The following MACROD2 variants were observed in gnomAD, a reference collection of about 807,000 sequenced individuals.
The protein encoded by MACROD2 is mono-ADP ribosylhydrolase 2.
A neutral mutation model predicts 70.4 loss-of-function variants in MACROD2; 36 were observed. That is an observed-to-expected ratio of 0.51 (90% CI 0.39 to 0.68). MACROD2 has a LOEUF of 0.68. Ranked by LOEUF, MACROD2 falls within the 30% of genes least tolerant of loss-of-function variation. MACROD2 has a pLI of 0.00. For synonymous variants in MACROD2, 172 were observed against 178.8 expected, an observed-to-expected ratio of 0.96 and a Z score of 0.30; for missense variants, 496 against 538.4, an observed-to-expected ratio of 0.92 and a Z score of 0.78.
rs905550842 is a variant in MACROD2, at chr20:14,755,015, G to T, written c.418+70056G>T. Among the ~76,000 whole-genome samples the T allele has an allele frequency of 1.2e-4, 18 of 152,162 alleles. 1 individual carries two copies. Among genetic ancestry groups the T allele is most frequent in the African/African-American group, 4.3e-4 (18 of 41,480 alleles). ...GTCAGCTTTGTCCTGAGGGGATCTT[G>T]ATTCACTTATCAGCTGAAAACAGCT... On this transcript the variant is annotated intron_variant, in intron 5 of 17. Coordinates refer to ENST00000684519, the MANE Select transcript of MACROD2 (RefSeq NM_001351661.2).
intron 4 of MACROD2, among the ~76,000 whole-genome samples, chr20:14,653,965 C>T (rs910522143): frequency 1.3e-5 from 2 of 152,056 alleles, no homozygotes; most frequent in East Asian, 1.9e-4. Context: ...CTTTCCTGAC[C>T]GCATTTCTTT....
intron 3 of MACROD2, among the ~76,000 whole-genome samples, chr20:14,395,270 T>C (rs1450271719): frequency 6.6e-6 from 1 of 152,056 alleles, no homozygotes; most frequent in Non-Finnish European, 1.5e-5. Flanking sequence ...AATTATAAAT[T>C]TAATTTTTAT....
In MACROD2 at chr20:15,731,939, A is replaced by G. The variant is rs1470350467; in HGVS notation, c.646-130806A>G. On this transcript the variant is annotated intron_variant, in intron 8 of 17. Transcript: ENST00000684519. ...CCTGGCTATTTTTTGTATTTTTAGT[A>G]GAGACGGGGTTTCACCATGTTGGCC... is the stretch of plus-strand genomic sequence containing the variant. Among the ~76,000 whole-genome samples, 3 of 58,430 alleles carry G rather than the reference A, an allele frequency of 5.1e-5. 1 individual carries two copies. The East Asian group carries it at 8.3e-4, about 16-fold the overall frequency. 38.3% of individuals were successfully genotyped at this position (58,430 alleles called of 152,430 possible).
chr20:15,741,716 T>C (rs2051109130), intron 8 of MACROD2, among the ~76,000 whole-genome samples: 1 of 152,118 alleles, frequency 6.6e-6, no homozygotes, highest in Admixed American at 6.5e-5. Context: ...TCTCATAGCA[T>C]GTTGCACCCT....
intron 6 of MACROD2, among the ~76,000 whole-genome samples, chr20:15,273,274 C>A (rs932078480): frequency 3.3e-5 from 5 of 152,116 alleles, no homozygotes; most frequent in Non-Finnish European, 5.9e-5. Context: ...CATATTTTTC[C>A]TGTGCTGGAT....
At chr20:15,322,873 C>T (rs191649045) in intron 6 of MACROD2, among the ~76,000 whole-genome samples, 1 of 143,694 alleles carries the variant, frequency 7.0e-6, no homozygotes, top group East Asian at 2.0e-4. Context: ...TCCATGAATC[C>T]ATATTTGGAA....
At chr20:14,703,563 A>T (rs918964944) in intron 5 of MACROD2, among the ~76,000 whole-genome samples, 1 of 152,090 alleles carries the variant, frequency 6.6e-6, no homozygotes, top group Non-Finnish European at 1.5e-5. Context: ...ATAATACATT[A>T]ATAGAGTTGG....
At chr20:16,049,082 G>A (rs2067422671) in intron 17 of MACROD2, among the ~76,000 whole-genome samples, 1 of 152,156 alleles carries the variant, frequency 6.6e-6, no homozygotes, top group Admixed American at 6.5e-5. Context: ...GATTCCATTA[G>A]CAGGGAGTCC....
At chr20:15,658,954 A>G (rs1384789188) in intron 8 of MACROD2, among the ~76,000 whole-genome samples, 3 of 152,228 alleles carry the variant, frequency 2.0e-5, no homozygotes, top group African/African-American at 4.8e-5. Flanking sequence ...TCACTCAAGC[A>G]TGCTTCGTTT....
intron 10 of MACROD2, among the ~76,000 whole-genome samples, chr20:15,918,836 G>C (rs577385498): frequency 6.6e-6 from 1 of 152,130 alleles, no homozygotes; most frequent in African/African-American, 2.4e-5. Flanking sequence ...TCCTCATGGG[G>C]CTCCACCTGT....
intron 8 of MACROD2, among the ~76,000 whole-genome samples, chr20:15,727,476 A>T (rs1342805111): frequency 1.3e-5 from 2 of 152,146 alleles, no homozygotes; most frequent in African/African-American, 4.8e-5. Flanking sequence ...TCTGTGAAGA[A>T]TATCATTGGT....
intron 8 of MACROD2, among the ~76,000 whole-genome samples, chr20:15,500,584 T>C (rs1424607207): frequency 6.6e-6 from 1 of 152,206 alleles, no homozygotes; most frequent in Non-Finnish European, 1.5e-5. Context: ...ATTTTGTTTT[T>C]CTCCTCAGTT....
At chr20:14,373,364 T>G (rs2083343750) in intron 3 of MACROD2, among the ~76,000 whole-genome samples, 1 of 152,182 alleles carries the variant, frequency 6.6e-6, no homozygotes, top group Admixed American at 6.5e-5. Context: ...CAAGAGGTTA[T>G]TTAGACCAAA....
chr20:15,864,720 T>G (rs1213668119), intron 9 of MACROD2, among the ~76,000 whole-genome samples: 2 of 152,142 alleles, frequency 1.3e-5, no homozygotes, highest in African/African-American at 4.8e-5. Flanking sequence ...TAAAATGCAT[T>G]GCAGTACATG....
At chr20:15,417,613 A>AG (rs2046171990) in intron 6 of MACROD2, among the ~76,000 whole-genome samples, 1 of 134,918 alleles carries the variant, frequency 7.4e-6, no homozygotes, top group African/African-American at 2.7e-5. Flanking sequence ...AAAAAAAAAA[A>AG]AAAGAAAGAA....
At chr20:15,369,461 G>C (rs16995616) in intron 6 of MACROD2, among the ~76,000 whole-genome samples, 3 of 151,896 alleles carry the variant, frequency 2.0e-5, no homozygotes, top group Non-Finnish European at 2.9e-5. Flanking sequence ...TGTATCTTTT[G>C]CAAAAATAAG....
At position 15,566,320 on chromosome 20, in the gene MACROD2, C is replaced by G. The variant is rs537447972; in HGVS notation, c.645+66473C>G. On this transcript the variant is annotated intron_variant, in intron 8 of 17. Coordinates refer to ENST00000684519, the MANE Select transcript of MACROD2 (RefSeq NM_001351661.2). The stretch of plus-strand genomic sequence containing the variant: ...CCAACATGGCGAAACCCACCCCCCA[C>G]CGTCTCTACTAAAAAACAAAAATAA... Among the ~76,000 whole-genome samples, 798 of 152,088 alleles carry G rather than the reference C, an allele frequency of 5.2e-3. 8 individuals are homozygous for G. The highest frequency in any genetic ancestry group is 0.018 in the African/African-American group (739 of 41,510).
chr20:15,486,497 C>T (rs560810929), intron 7 of MACROD2, among the ~76,000 whole-genome samples: 98 of 152,208 alleles, frequency 6.4e-4, no homozygotes, highest in African/African-American at 2.3e-3. Context: ...AGACTTATCC[C>T]CTCTTATATG....
At chr20:15,386,583 G>C (rs1314486191) in intron 6 of MACROD2, among the ~76,000 whole-genome samples, 1 of 152,146 alleles carries the variant, frequency 6.6e-6, no homozygotes, top group African/African-American at 2.4e-5. Context: ...CTGGGTCCAG[G>C]GCTGATGAAA....
Sources: allele counts gnomAD v4.1 joint callset (sites outside exome capture counted in the v4.1 genomes callset), GRCh38; gene constraint gnomAD v4.1.1; transcripts MANE v1.5; gene names NCBI Gene and HGNC (gene_info 2026-07-23, HGNC 2026-07-21).